PDE11A: variants seen among roughly 807,000 people sequenced by gnomAD.
PDE11A encodes phosphodiesterase 11A.
Under a neutral mutation model 100.5 loss-of-function variants are expected in PDE11A, and 100 were observed. The ratio of observed to expected loss-of-function variants is 1.00; its 90% CI spans 0.85 to 1.18. PDE11A has a LOEUF of 1.18. Among genes scored for constraint, PDE11A ranks in the 50% most tolerant of loss-of-function variants. The pLI is 0.00. For missense variants in PDE11A, 1,141 were observed against 1,152.6 expected, an observed-to-expected ratio of 0.99 and a Z score of 0.15; for synonymous variants, 381 against 420.8, an observed-to-expected ratio of 0.91 and a Z score of 1.16.
intron 4 of PDE11A, among the ~76,000 whole-genome samples, chr2:177,878,156 G>A (rs1045625861): frequency 2.0e-5 from 3 of 152,102 alleles, no homozygotes; most frequent in African/African-American, 7.2e-5. Flanking sequence ...AAATACCCTT[G>A]ACAACTATAG....
intron 1 of PDE11A, among the ~76,000 whole-genome samples, chr2:178,017,680 G>A (rs1173002475): frequency 6.6e-6 from 1 of 152,146 alleles, no homozygotes; most frequent in Non-Finnish European, 1.5e-5. Flanking sequence ...AATTCGGGGG[G>A]CCAGGTGCAG....
At chr2:177,929,114 C>T (rs2085171493) in intron 2 of PDE11A, among the ~76,000 whole-genome samples, 1 of 152,122 alleles carries the variant, frequency 6.6e-6, no homozygotes, top group Non-Finnish European at 1.5e-5. Context: ...CAACTTTTCT[C>T]TGCAAGTGCT....
chr2:177,950,642 C>T (rs1389697914), intron 2 of PDE11A, among the ~76,000 whole-genome samples: 5 of 152,156 alleles, frequency 3.3e-5, no homozygotes, highest in Non-Finnish European at 5.9e-5. Context: ...ATGCTTCGTC[C>T]TTCTCACGCC....
In PDE11A at chr2:178,084,414, T is replaced by A. The variant is rs552495372; in HGVS notation, c.162+19888A>T. 1.2e-3 allele frequency among the ~76,000 whole-genome samples: 177 copies of A among 152,324 alleles called. 4 individuals carry two copies. The highest frequency in any genetic ancestry group is 1.5e-3 in the Non-Finnish European group (103 of 68,022). On this transcript the variant is annotated intron_variant, in intron 2 of 20. Coordinates refer to the PDE11A transcript ENST00000358450. ...TCATGCTTCAAGTAAAATTGCACAA[T>A]AATTTGATCACTAGCCCATAGTCAA... is the stretch of plus-strand genomic sequence containing the variant.
At chr2:177,680,793 T>G (rs1355443568) in intron 16 of PDE11A, 33 bp downstream of exon 16, 1 of 1,197,620 alleles carries the variant, frequency 8.3e-7, no homozygotes, top group South Asian at 1.2e-5. Flanking sequence ...GTCCAAATAA[T>G]GAAGAAACAC....
chr2:177,979,803 G>C (rs1350612243), intron 2 of PDE11A, among the ~76,000 whole-genome samples: 1 of 149,172 alleles, frequency 6.7e-6, no homozygotes, highest in Non-Finnish European at 1.5e-5. Flanking sequence ...GTAGAGACGG[G>C]GTTTCACCAT....
chr2:178,068,520 TAAA>T (rs551000937), intron 1 of PDE11A, among the ~76,000 whole-genome samples: 1 of 147,292 alleles, frequency 6.8e-6, no homozygotes, highest in Non-Finnish European at 1.5e-5. Context: ...TTCTGTGTGA[TAAA>T]AAAAAAACCT....
At position 177,627,135 on chromosome 2, in the gene PDE11A, GC is replaced by G. The variant is rs1311163246; in HGVS notation, c.*2271del. 1 of 133,170 alleles carries G rather than the reference GC, an allele frequency of 7.5e-6. No homozygotes were observed. The highest frequency in any genetic ancestry group is 2.3e-4 in the East Asian group (1 of 4,392). The allele number at this position is 133,170 out of a possible 1,614,324, so 8.2% of individuals were successfully genotyped here. On this transcript the variant is annotated 3_prime_UTR_variant, in exon 20 of 20. Coordinates refer to ENST00000286063, the MANE Select transcript of PDE11A (RefSeq NM_016953.4). The stretch of plus-strand genomic sequence containing the variant: ...TGCAAGCTCCGCCTCGCGGGTTCCC[GC>G]CATTCTCTTGCCTCAGCCTCCCCAG...
chr2:177,990,559 G>A (rs932581392), intron 2 of PDE11A, among the ~76,000 whole-genome samples: 1 of 151,922 alleles, frequency 6.6e-6, no homozygotes, highest in Admixed American at 6.6e-5. Flanking sequence ...ACAACATGGT[G>A]AAACCCCATC....
At chr2:177,947,382 G>A (rs1484590095) in intron 2 of PDE11A, among the ~76,000 whole-genome samples, 8 of 151,980 alleles carry the variant, frequency 5.3e-5, no homozygotes, top group East Asian at 1.9e-4. Context: ...CTGTGTAGAA[G>A]GAAGTAGACA....
At chr2:177,800,143 C>A (rs1177011634) in intron 9 of PDE11A, among the ~76,000 whole-genome samples, 6 of 151,446 alleles carry the variant, frequency 4.0e-5, no homozygotes, top group Admixed American at 1.3e-4. Flanking sequence ...TAAAAAAAAA[C>A]CTTAAGAATA....
intron 18 of PDE11A, among the ~76,000 whole-genome samples, chr2:177,665,826 C>T (rs1477936682): frequency 6.8e-6 from 1 of 147,544 alleles, no homozygotes; most frequent in African/African-American, 2.5e-5. Context: ...CACTGCACTC[C>T]AGCCTCGGCG....
chr2:177,672,886 A>C (rs1345286678), intron 17 of PDE11A, among the ~76,000 whole-genome samples: 2 of 152,238 alleles, frequency 1.3e-5, no homozygotes, highest in African/African-American at 4.8e-5. Context: ...AACAAGAATC[A>C]AATAAAAGAC....
At chr2:177,815,962 G>A (rs1240664243) in intron 9 of PDE11A, among the ~76,000 whole-genome samples, 1 of 152,216 alleles carries the variant, frequency 6.6e-6, no homozygotes, top group South Asian at 2.1e-4. Context: ...TGTAATCCCA[G>A]CACTTTGGGA....
chr2:177,947,826 T>C (rs1237524568), intron 2 of PDE11A, among the ~76,000 whole-genome samples: 1 of 151,698 alleles, frequency 6.6e-6, no homozygotes, highest in Non-Finnish European at 1.5e-5. Context: ...TTAATTTTAA[T>C]TTTACATTAA....
chr2:178,032,311 C>T (rs13001447), intron 1 of PDE11A, among the ~76,000 whole-genome samples: 15,216 of 151,894 alleles, frequency 0.1, 1,048 homozygotes, highest in Non-Finnish European at 0.15. Context: ...ATCAATAAAT[C>T]AAGTAGTATT....
At chr2:177,748,428 T>G (rs2081983211) in intron 10 of PDE11A, among the ~76,000 whole-genome samples, 1 of 152,220 alleles carries the variant, frequency 6.6e-6, no homozygotes, top group Non-Finnish European at 1.5e-5. Context: ...TGGTTACTCT[T>G]ATAAAGACAC....
At chr2:177,773,416 T>C (rs1235310128) in intron 9 of PDE11A, among the ~76,000 whole-genome samples, 2 of 152,210 alleles carry the variant, frequency 1.3e-5, no homozygotes, top group Non-Finnish European at 2.9e-5. Flanking sequence ...CTATGATACA[T>C]CTGAAATTAA....
intron 2 of PDE11A, among the ~76,000 whole-genome samples, chr2:178,000,623 G>GA (rs1317280114): frequency 1.3e-5 from 2 of 152,164 alleles, no homozygotes; most frequent in Non-Finnish European, 2.9e-5. Context: ...TGAAGAAAAT[G>GA]AAAATATTAA....
Sources: gnomAD v4.1 joint callset for allele counts (sites outside exome capture counted in the v4.1 genomes callset) on GRCh38, gnomAD v4.1.1 for gene constraint, MANE v1.5 for transcripts, NCBI Gene and HGNC (gene_info 2026-07-23, HGNC 2026-07-21) for gene names.